Variants in NRG3 observed in about 807,000 individuals in gnomAD.
NRG3 encodes neuregulin 3.
NRG3 carries 31 observed loss-of-function variants against 66.9 expected under a neutral mutation model. The ratio of observed to expected loss-of-function variants is 0.46; its 90% CI spans 0.35 to 0.63. The LOEUF is 0.63. Ranked by LOEUF, NRG3 falls within the 20% of genes least tolerant of loss-of-function variation. The probability of loss-of-function intolerance (pLI) is 0.00; values close to 1 mark genes in which losing one functional copy is unlikely to be tolerated. For synonymous variants in NRG3, 393 were observed against 359.4 expected (o/e 1.09, Z -1.06); for missense variants, 910 against 878.9 (o/e 1.04, Z -0.45).
intron 1 of NRG3, chr10:82,232,822 A>G (rs1214658781): frequency 4.2e-6 from 3 of 717,220 alleles, no homozygotes; most frequent in Non-Finnish European, 7.8e-6. Flanking sequence ...GGAGCAAGGT[A>G]AGTTGTAAGG....
Position 82,781,030 on chromosome 10 carries a change from T to A in NRG3, c.1027+42380T>A, listed in dbSNP as rs1199401181. Among the ~76,000 whole-genome samples the A allele has an allele frequency of 2.0e-5, 3 of 152,206 alleles. No homozygotes were observed. The East Asian group carries it at 5.8e-4, about 29-fold the overall frequency. On this transcript the variant is annotated intron_variant, in intron 3 of 8. Coordinates refer to ENST00000372141, the MANE Select transcript of NRG3 (RefSeq NM_001010848.4). ...TCCTGCCTGAGCTGCTTTTTCGTAC[T>A]GATTTGGGAATTATAAGATGCCCAT...
intron 1 of NRG3, among the ~76,000 whole-genome samples, chr10:82,214,974 C>T (rs1438322991): frequency 6.6e-6 from 1 of 152,140 alleles, no homozygotes; most frequent in Admixed American, 6.5e-5. Context: ...GATCATTCCC[C>T]ATTCCCCCAA....
intron 1 of NRG3, among the ~76,000 whole-genome samples, chr10:82,190,425 G>A (rs570801181): frequency 6.6e-6 from 1 of 152,186 alleles, no homozygotes; most frequent in African/African-American, 2.4e-5. Context: ...TTTATAAAAT[G>A]TATGGTGTTT....
At chr10:82,776,175 T>C (rs1357466638) in intron 3 of NRG3, among the ~76,000 whole-genome samples, 1 of 152,228 alleles carries the variant, frequency 6.6e-6, no homozygotes, top group Non-Finnish European at 1.5e-5. Flanking sequence ...TCCTTCATTT[T>C]TGAAGAACAG....
intron 1 of NRG3, among the ~76,000 whole-genome samples, chr10:82,167,215 A>G (rs2072152952): frequency 6.6e-6 from 1 of 151,750 alleles, no homozygotes; most frequent in African/African-American, 2.4e-5. Flanking sequence ...AGACATTGCA[A>G]ATTTTACTTG....
intron 1 of NRG3, among the ~76,000 whole-genome samples, chr10:81,895,154 A>T (rs1843401775): frequency 6.6e-6 from 1 of 152,114 alleles, no homozygotes; most frequent in Admixed American, 6.5e-5. Flanking sequence ...TCCCTAGCAT[A>T]TTGCTAACAC....
chr10:82,924,365 A>G (rs1375181847), intron 4 of NRG3, among the ~76,000 whole-genome samples: 1 of 151,990 alleles, frequency 6.6e-6, no homozygotes, highest in South Asian at 2.1e-4. Flanking sequence ...CTCTCTACAA[A>G]CCCCATTATA....
At chr10:82,512,349 G>A (rs1162116157) in intron 2 of NRG3, among the ~76,000 whole-genome samples, 1 of 151,780 alleles carries the variant, frequency 6.6e-6, no homozygotes, top group African/African-American at 2.4e-5. Context: ...GCAGTGGTGT[G>A]ATCTTGGCTC....
intron 1 of NRG3, among the ~76,000 whole-genome samples, chr10:81,964,123 C>G (rs1351601947): frequency 6.6e-6 from 1 of 151,974 alleles, no homozygotes; most frequent in Non-Finnish European, 1.5e-5. Flanking sequence ...ATTTTGTGTA[C>G]GACCCTCCAG....
Position 82,358,877 on chromosome 10 carries a change from C to T in NRG3, c.953+9C>T, listed in dbSNP as rs552656708. 6 of 1,614,106 alleles carry T rather than the reference C, an allele frequency of 3.7e-6. No homozygotes were observed. In the African/African-American group the frequency reaches 5.3e-5, roughly 14 times the overall value. ...TCCCATAAACACTGTCGGTAAGCCA[C>T]TGAGGCCACTGATGGAAAGGGCAGG... On this transcript the variant is annotated intron_variant, in intron 2 of 8. Transcript: ENST00000372141.
chr10:82,095,019 C>T (rs1294275888), intron 1 of NRG3, among the ~76,000 whole-genome samples: 1 of 152,056 alleles, frequency 6.6e-6, no homozygotes, highest in Non-Finnish European at 1.5e-5. Flanking sequence ...GACTTGTGCC[C>T]CATAAATTTA....
chr10:82,499,945 ACT>A (rs1200631867), intron 2 of NRG3, among the ~76,000 whole-genome samples: 1 of 152,024 alleles, frequency 6.6e-6, no homozygotes, highest in African/African-American at 2.4e-5. Context: ...CTTGTACAAA[ACT>A]CTCTGATTTC....
chr10:82,506,216 C>G (rs536652148), intron 2 of NRG3, among the ~76,000 whole-genome samples: 73 of 152,184 alleles, frequency 4.8e-4, no homozygotes, highest in Non-Finnish European at 8.2e-4. Flanking sequence ...CCACTGCACT[C>G]CAGCCTAAGC....
chr10:82,640,491 A>G (rs2050495373), intron 2 of NRG3, among the ~76,000 whole-genome samples: 1 of 152,158 alleles, frequency 6.6e-6, no homozygotes, highest in African/African-American at 2.4e-5. Context: ...CAAATCCATC[A>G]TCAGGTAGTA....
chr10:82,023,604 A>G lies in NRG3; in HGVS notation c.823+147441A>G, dbSNP rs552862285. ...GTAATGGAATGCTTTTTCAGCAGCTATGATCATATGGCTTTTGTTCTTGAT... is the reference window on the plus strand; with the variant it reads ...GTAATGGAATGCTTTTTCAGCAGCTGTGATCATATGGCTTTTGTTCTTGAT... On this transcript the variant is annotated intron_variant, in intron 1 of 8. Coordinates refer to ENST00000372141, the MANE Select transcript of NRG3 (RefSeq NM_001010848.4). 7.9e-5 allele frequency among the ~76,000 whole-genome samples: 12 copies of G among 152,226 alleles called. No homozygotes were observed. In the South Asian group the frequency reaches 2.3e-3, roughly 29 times the overall value.
At chr10:82,378,815 C>T (rs1262947709) in intron 2 of NRG3, among the ~76,000 whole-genome samples, 6 of 152,092 alleles carry the variant, frequency 3.9e-5, no homozygotes, top group African/African-American at 1.2e-4. Flanking sequence ...AGGTGATCCA[C>T]CCACCTCGGC....
chr10:82,516,785 G>A (rs186233175), intron 2 of NRG3, among the ~76,000 whole-genome samples: 56 of 152,250 alleles, frequency 3.7e-4, no homozygotes, highest in Non-Finnish European at 7.2e-4. Flanking sequence ...AAATCAGGAA[G>A]TAAGAGTTAT....
At chr10:82,263,742 A>G (rs920975704) in intron 1 of NRG3, among the ~76,000 whole-genome samples, 3 of 152,166 alleles carry the variant, frequency 2.0e-5, no homozygotes, top group African/African-American at 7.2e-5. Flanking sequence ...AAGGGATGAC[A>G]TGTAGCCATT....
At chr10:82,663,572 T>C (rs2052532791) in intron 2 of NRG3, among the ~76,000 whole-genome samples, 1 of 152,138 alleles carries the variant, frequency 6.6e-6, no homozygotes, top group East Asian at 1.9e-4. Flanking sequence ...GTAAAAAAGA[T>C]GGTATTCACT....
Sources: allele counts gnomAD v4.1 joint callset (sites outside exome capture counted in the v4.1 genomes callset), GRCh38; gene constraint gnomAD v4.1.1; transcripts MANE v1.5; gene names NCBI Gene and HGNC (gene_info 2026-07-23, HGNC 2026-07-21).